DCC: variants seen among roughly 807,000 people sequenced by gnomAD.
DCC encodes the protein DCC netrin 1 receptor.
DCC carries 58 observed loss-of-function variants against 172.5 expected under a neutral mutation model. The ratio of observed to expected loss-of-function variants is 0.34; its 90% CI spans 0.27 to 0.42. The LOEUF is 0.42. DCC is among the 10% of genes least tolerant of loss of function. The probability of loss-of-function intolerance (pLI) is 1.00; values close to 1 mark genes in which losing one functional copy is unlikely to be tolerated. For missense variants in DCC, 1,740 were observed against 1,791.0 expected (o/e 0.97, Z 0.51); for synonymous variants, 709 against 644.5 (o/e 1.10, Z -1.52).
chr18:52,355,067 A>C (rs1477079799), intron 1 of DCC, among the ~76,000 whole-genome samples: 1 of 152,184 alleles, frequency 6.6e-6, no homozygotes, highest in East Asian at 1.9e-4. Context: ...GTAGGTGAAT[A>C]ATTATTTCCT....
chr18:52,373,015 AAC>A (rs1985190817), intron 1 of DCC, among the ~76,000 whole-genome samples: 1 of 152,194 alleles, frequency 6.6e-6, no homozygotes, highest in Admixed American at 6.5e-5. Context: ...TTGTGTTGAC[AAC>A]ACACCTGTGG....
At chr18:53,281,329 A>G (rs765640971) in intron 12 of DCC, among the ~76,000 whole-genome samples, 10 of 152,176 alleles carry the variant, frequency 6.6e-5, no homozygotes, top group Admixed American at 1.3e-4. Context: ...ACTAAATTTG[A>G]TATGTCATGT....
chr18:53,205,079 T>C (rs1156393877), intron 9 of DCC, 137 bp from the exon 10 acceptor site: 1 of 695,212 alleles, frequency 1.4e-6, no homozygotes, highest in East Asian at 2.7e-5. Flanking sequence ...ATTTTTATAT[T>C]CTTATTCCAT....
intron 1 of DCC, among the ~76,000 whole-genome samples, chr18:52,429,411 C>T (rs1391959573): frequency 2.0e-5 from 3 of 152,008 alleles, no homozygotes; most frequent in African/African-American, 4.8e-5. Flanking sequence ...ACATCTGCTG[C>T]TTTTTAGGAT....
intron 12 of DCC, among the ~76,000 whole-genome samples, chr18:53,256,338 G>T (rs2056513487): frequency 6.6e-6 from 1 of 152,114 alleles, no homozygotes; most frequent in Non-Finnish European, 1.5e-5. Context: ...GGGTTTTTAT[G>T]GTTTTAGGTC....
In DCC at chr18:52,392,150, G is replaced by A. The variant is rs533874738; in HGVS notation, c.91+51272G>A. ...CTATTAATTATGCTTCAGAATCAAC[G>A]TGAAGCTCTAGGTAAGTGGCTGGTA... On this transcript the variant is annotated intron_variant, in intron 1 of 28. Transcript: ENST00000442544. 3.2e-4 allele frequency among the ~76,000 whole-genome samples: 48 copies of A among 152,290 alleles called. No homozygotes were observed. The South Asian group carries it at 9.1e-3, about 29-fold the overall frequency.
At chr18:53,422,282 C>G (rs1002110522) in intron 21 of DCC, among the ~76,000 whole-genome samples, 1 of 152,162 alleles carries the variant, frequency 6.6e-6, no homozygotes, top group Non-Finnish European at 1.5e-5. Context: ...CAATAAAACT[C>G]CGCCTTTCCC....
At chr18:52,494,979 A>T (rs2144612534) in intron 1 of DCC, among the ~76,000 whole-genome samples, 1 of 152,174 alleles carries the variant, frequency 6.6e-6, no homozygotes, top group Middle Eastern at 3.4e-3. Context: ...GGAGCTCACT[A>T]ATTTAACCCA....
At chr18:52,669,049 T>A (rs986746418) in intron 1 of DCC, among the ~76,000 whole-genome samples, 6 of 152,068 alleles carry the variant, frequency 3.9e-5, no homozygotes, top group African/African-American at 1.4e-4. Flanking sequence ...CCCGGAGAAT[T>A]TGGAGGATCA....
At chr18:52,893,662 C>G (rs538385378) in intron 2 of DCC, among the ~76,000 whole-genome samples, 1 of 152,252 alleles carries the variant, frequency 6.6e-6, no homozygotes, top group African/African-American at 2.4e-5. Context: ...AAGATTGAAT[C>G]ATTTTCTGAA....
At chr18:53,304,513 C>A (rs867527979) in intron 12 of DCC, among the ~76,000 whole-genome samples, 1 of 152,154 alleles carries the variant, frequency 6.6e-6, no homozygotes, top group African/African-American at 2.4e-5. Flanking sequence ...TTTACTTACT[C>A]TTGCCTACAT....
intron 7 of DCC, among the ~76,000 whole-genome samples, chr18:53,077,697 A>C (rs2042742429): frequency 6.6e-6 from 1 of 152,184 alleles, no homozygotes; most frequent in Non-Finnish European, 1.5e-5. Context: ...TCACACAGCT[A>C]GCAAAACATC....
At chr18:52,657,869 A>G (rs1052485832) in intron 1 of DCC, among the ~76,000 whole-genome samples, 1 of 152,202 alleles carries the variant, frequency 6.6e-6, no homozygotes, top group African/African-American at 2.4e-5. Flanking sequence ...TCCTCTACAT[A>G]TCACTTAACC....
chr18:53,074,003 G>A (rs1402389184), intron 7 of DCC, among the ~76,000 whole-genome samples: 1 of 151,920 alleles, frequency 6.6e-6, no homozygotes, highest in African/African-American at 2.4e-5. Flanking sequence ...AATGAACATT[G>A]AATAATTAGT....
chr18:52,417,002 G>A (rs1280195329), intron 1 of DCC, among the ~76,000 whole-genome samples: 2 of 152,144 alleles, frequency 1.3e-5, no homozygotes, highest in Non-Finnish European at 2.9e-5. Context: ...ATTTTGCAGT[G>A]GCTGGTACCG....
At chr18:53,276,855 ATGGAACT>A (rs2056812104) in intron 12 of DCC, among the ~76,000 whole-genome samples, 1 of 152,166 alleles carries the variant, frequency 6.6e-6, no homozygotes, top group Admixed American at 6.6e-5. Context: ...AAATTTTACT[ATGGAACT>A]TGGGTCAGTG....
At chr18:52,471,262 A>T (rs536339189) in intron 1 of DCC, among the ~76,000 whole-genome samples, 12 of 152,258 alleles carry the variant, frequency 7.9e-5, no homozygotes, top group African/African-American at 2.6e-4. Context: ...AGGTGGGAGG[A>T]CTGCTTGAGC....
intron 5 of DCC, among the ~76,000 whole-genome samples, chr18:52,974,346 G>A (rs1037768093): frequency 6.6e-5 from 10 of 152,220 alleles, no homozygotes; most frequent in Admixed American, 2.6e-4. Context: ...GAAATAGGTT[G>A]TCATTAAGGT....
At chr18:52,448,738 G>A (rs1988208000) in intron 1 of DCC, among the ~76,000 whole-genome samples, 1 of 152,180 alleles carries the variant, frequency 6.6e-6, no homozygotes, top group African/African-American at 2.4e-5. Context: ...TTACTTAGTG[G>A]AGACCCAGGT....
Sources: allele counts gnomAD v4.1 joint callset (sites outside exome capture counted in the v4.1 genomes callset), GRCh38; gene constraint gnomAD v4.1.1; transcripts MANE v1.5; gene names NCBI Gene and HGNC (gene_info 2026-07-23, HGNC 2026-07-21).